RBM19: variants seen among roughly 807,000 people sequenced by gnomAD.
RBM19 encodes the protein RNA binding motif protein 19, also known as probable RNA-binding protein 19.
RBM19 carries 94 observed loss-of-function variants against 116.8 expected under a neutral mutation model. The observed-to-expected ratio is 0.80, with a 90% confidence interval of 0.68 to 0.95. RBM19 has a LOEUF of 0.95. Ranked by LOEUF, RBM19 falls within the 40% of genes least tolerant of loss-of-function variation. RBM19 has a pLI of 0.00. For missense variants in RBM19, 1,161 were observed against 1,220.7 expected (o/e 0.95, Z 0.73); for synonymous variants, 475 against 494.1 (o/e 0.96, Z 0.51).
At position 113,942,387 on chromosome 12, in the gene RBM19, C is replaced by G. The variant is rs775465536; in HGVS notation, c.1674G>C (p.Gln558His). The G allele has an allele frequency of 5.6e-6, 9 of 1,609,728 alleles. No homozygotes were observed. Among genetic ancestry groups the G allele is most frequent in the Middle Eastern group, 1.6e-4 (1 of 6,062 alleles). ...GAAAACGCCGCACTTCCTGGACGAG[C>G]TGGGTTTCCCCCAGAGCCACGCGCA... ...VAVRVALGET[Q>H]LVQEVRRFLI... The change falls in exon 14 of 24, where the codon CAG (glutamine) becomes CAC (histidine). Residue 558 changes from glutamine (Q) to histidine (H), a missense_variant. Coordinates refer to ENST00000261741, the MANE Select transcript of RBM19 (RefSeq NM_016196.4).
chr12:113,907,416 A>AT (rs1474819137), intron 21 of RBM19, among the ~76,000 whole-genome samples: 1 of 152,178 alleles, frequency 6.6e-6, no homozygotes, highest in Non-Finnish European at 1.5e-5. Flanking sequence ...CCAGGGGAAT[A>AT]AATCTGCATC....
chr12:113,908,125 C>T (rs1009112672), intron 21 of RBM19, among the ~76,000 whole-genome samples: 3 of 152,210 alleles, frequency 2.0e-5, no homozygotes, highest in Non-Finnish European at 4.4e-5. Context: ...GCCTGGCTGG[C>T]TCTCAGGAGC....
intron 21 of RBM19, among the ~76,000 whole-genome samples, chr12:113,914,626 A>G (rs1882654347): frequency 6.6e-6 from 1 of 152,238 alleles, no homozygotes; most frequent in African/African-American, 2.4e-5. Flanking sequence ...GCCTGGATGG[A>G]GGAAATTTCA....
At chr12:113,923,736 G>A (rs563538105) in intron 18 of RBM19, among the ~76,000 whole-genome samples, 4 of 152,350 alleles carry the variant, frequency 2.6e-5, no homozygotes, top group Non-Finnish European at 5.9e-5. Context: ...TCGGGCTGAT[G>A]TGGTGTCCCC....
At chr12:113,936,060 A>C (rs1489387246) in intron 16 of RBM19, among the ~76,000 whole-genome samples, 1 of 151,250 alleles carries the variant, frequency 6.6e-6, no homozygotes, top group African/African-American at 2.5e-5. Flanking sequence ...AACAAAAAAA[A>C]CAACTCTTAA....
intron 16 of RBM19, among the ~76,000 whole-genome samples, chr12:113,930,712 C>A (rs183068249): frequency 6.6e-6 from 1 of 152,338 alleles, no homozygotes; most frequent in African/African-American, 2.4e-5. Context: ...TGGCTGACCC[C>A]GGAGACGTCC....
chr12:113,947,914 C>T (rs922901414), intron 10 of RBM19, among the ~76,000 whole-genome samples: 12 of 152,170 alleles, frequency 7.9e-5, no homozygotes, highest in Non-Finnish European at 1.3e-4. Context: ...CTTTCCTTCC[C>T]AAATGGACAT....
chr12:113,843,210 G>A (rs933442128), intron 23 of RBM19, among the ~76,000 whole-genome samples: 1 of 152,222 alleles, frequency 6.6e-6, no homozygotes, highest in Non-Finnish European at 1.5e-5. Context: ...TCAGGCGAGG[G>A]AATAATCACT....
chr12:113,890,580 C>T (rs368689546), intron 21 of RBM19, among the ~76,000 whole-genome samples: 2 of 152,322 alleles, frequency 1.3e-5, no homozygotes, highest in Admixed American at 6.5e-5. Context: ...CCGAGTGTAT[C>T]GGGGAATGTT....
At chr12:113,837,369 C>A (rs1209774689) in intron 23 of RBM19, among the ~76,000 whole-genome samples, 3 of 152,082 alleles carry the variant, frequency 2.0e-5, no homozygotes, top group Non-Finnish European at 4.4e-5. Flanking sequence ...CCTGGCCTGA[C>A]TGGAATGCAA....
At chr12:113,914,534 G>A (rs555247828) in intron 21 of RBM19, among the ~76,000 whole-genome samples, 234 of 152,302 alleles carry the variant, frequency 1.5e-3, no homozygotes, top group African/African-American at 4.4e-3. Context: ...GTGCAGCCTC[G>A]GGAAAGGTGT....
intron 17 of RBM19, 71 bp from the exon 18 acceptor site, chr12:113,924,828 C>T (rs1868917262): frequency 1.6e-6 from 2 of 1,283,328 alleles, no homozygotes; most frequent in Admixed American, 1.7e-5. Flanking sequence ...CTGTCAAACA[C>T]TATACCCCCA....
At chr12:113,957,649 G>C in intron 6 of RBM19, 133 bp downstream of exon 6, 1 of 1,308,690 alleles carries the variant, frequency 7.6e-7, no homozygotes, top group South Asian at 3.0e-5. Context: ...GCAGGGCCAA[G>C]ATCGGGAAGG....
chr12:113,944,211 C>T (rs1276673169), intron 13 of RBM19, among the ~76,000 whole-genome samples: 3 of 149,728 alleles, frequency 2.0e-5, no homozygotes, highest in Non-Finnish European at 2.9e-5. Context: ...GATTCTCCTG[C>T]CTCAGCCTCC....
intron 15 of RBM19, chr12:113,937,394 G>C: frequency 3.1e-6 from 1 of 325,648 alleles, no homozygotes; most frequent in South Asian, 8.6e-5. Context: ...CAGCTCCCAG[G>C]CCCCCTTTGT....
At chr12:113,948,803 C>T in intron 10 of RBM19, 30 bp downstream of exon 10, 1 of 1,611,526 alleles carries the variant, frequency 6.2e-7, no homozygotes, top group Non-Finnish European at 8.5e-7. Flanking sequence ...AGCCGCTGGG[C>T]TATCCACGGC....
At chr12:113,820,728 T>C (rs541114340), downstream of RBM19, among the ~76,000 whole-genome samples, 24 of 152,212 alleles carry the variant, frequency 1.6e-4, no homozygotes, top group Non-Finnish European at 3.1e-4. Context: ...TGCTCACAGA[T>C]CTGCCCCTTC....
At chr12:113,937,952 A>G (rs1490246396) in intron 15 of RBM19, among the ~76,000 whole-genome samples, 1 of 152,188 alleles carries the variant, frequency 6.6e-6, no homozygotes, top group Non-Finnish European at 1.5e-5. Context: ...TTATTTTCAG[A>G]GAAATACACA....
At chr12:113,818,912 T>C (rs1385422698), downstream of RBM19, among the ~76,000 whole-genome samples, 1 of 152,184 alleles carries the variant, frequency 6.6e-6, no homozygotes, top group Non-Finnish European at 1.5e-5. Flanking sequence ...GTGTATCCTA[T>C]AGTAGAGATG....
Sources: gnomAD v4.1 joint callset for allele counts (sites outside exome capture counted in the v4.1 genomes callset) on GRCh38, gnomAD v4.1.1 for gene constraint, MANE v1.5 for transcripts, NCBI Gene and HGNC (gene_info 2026-07-23, HGNC 2026-07-21) for gene names.